BMPR1B: variants seen among roughly 807,000 people sequenced by gnomAD.
BMPR1B encodes the protein bone morphogenetic protein receptor type-1B.
In BMPR1B, 12 loss-of-function variants were observed where a neutral mutation model predicts 59.1. That is an observed-to-expected ratio of 0.20 (90% confidence interval 0.13 to 0.33). The LOEUF (loss-of-function observed/expected upper bound fraction) is 0.33, where lower values mean the gene tolerates loss of function less well. Ranked by LOEUF, BMPR1B falls within the 10% of genes least tolerant of loss-of-function variation. The pLI, the probability that BMPR1B is intolerant of heterozygous loss-of-function variation, is 1.00. For synonymous variants in BMPR1B, 237 were observed against 207.3 expected (o/e 1.14, Z -1.23); for missense variants, 550 against 610.9 (o/e 0.90, Z 1.05).
intron 10 of BMPR1B, among the ~76,000 whole-genome samples, chr4:95,138,892 G>A (rs1039425591): frequency 1.3e-5 from 2 of 152,142 alleles, no homozygotes; most frequent in African/African-American, 4.8e-5. Flanking sequence ...AATGCCGATT[G>A]TCTGAAGCCT....
intron 3 of BMPR1B, among the ~76,000 whole-genome samples, chr4:95,092,570 T>A (rs1730071441): frequency 6.6e-6 from 1 of 152,108 alleles, no homozygotes; most frequent in South Asian, 2.1e-4. Context: ...ATATACTATA[T>A]TTTATACCTC....
At chr4:95,083,037 C>CAAAAAAAAAAAAAAA (rs1171888403) in intron 3 of BMPR1B, among the ~76,000 whole-genome samples, 1 of 60,626 alleles carries the variant, frequency 1.6e-5, no homozygotes, top group Non-Finnish European at 2.8e-5. Flanking sequence ...TACTCTGTCT[C>CAAAAAAAAAAAAAAA]AAAAAAAAAA....
chr4:95,070,564 TA>T (rs1312499152), intron 3 of BMPR1B, among the ~76,000 whole-genome samples: 1 of 152,106 alleles, frequency 6.6e-6, no homozygotes, highest in South Asian at 2.1e-4. Flanking sequence ...AGATGCTTGG[TA>T]GTCAGTTGAG....
Position 94,865,871 on chromosome 4 carries a change from A to G in BMPR1B, c.-182-9960A>G, listed in dbSNP as rs571388176. Among the ~76,000 whole-genome samples the G allele has an allele frequency of 2.6e-5, 4 of 152,306 alleles. No homozygotes were observed. In the South Asian group the frequency reaches 8.3e-4, roughly 32 times the overall value. On this transcript the variant is annotated intron_variant, in intron 1 of 12. Coordinates refer to ENST00000515059, the MANE Select transcript of BMPR1B (RefSeq NM_001203.3). ...TTTCGAGATGATGGTGGCATAGGATAGTGGTCTTATCAAATGTGTTAAGTG... is the reference window on the plus strand; with the variant it reads ...TTTCGAGATGATGGTGGCATAGGATGGTGGTCTTATCAAATGTGTTAAGTG...
chr4:95,032,112 A>T (rs191895832), intron 3 of BMPR1B, among the ~76,000 whole-genome samples: 1 of 152,098 alleles, frequency 6.6e-6, no homozygotes, highest in African/African-American at 2.4e-5. Context: ...AGCTTAGACA[A>T]CAGACGTTTA....
At chr4:94,802,606 G>A (rs972412536) in intron 1 of BMPR1B, among the ~76,000 whole-genome samples, 3 of 152,162 alleles carry the variant, frequency 2.0e-5, no homozygotes, top group African/African-American at 7.2e-5. Context: ...ACCATATGGA[G>A]TATCTTAGTG....
intron 2 of BMPR1B, among the ~76,000 whole-genome samples, chr4:94,977,978 T>G (rs1346688994): frequency 6.6e-6 from 1 of 152,206 alleles, no homozygotes; most frequent in Non-Finnish European, 1.5e-5. Context: ...GTATGGCTAT[T>G]TTTTTTCTAG....
At chr4:94,848,430 T>G (rs936437851) in intron 1 of BMPR1B, among the ~76,000 whole-genome samples, 2 of 152,126 alleles carry the variant, frequency 1.3e-5, no homozygotes, top group African/African-American at 4.8e-5. Flanking sequence ...ACAATCCTGG[T>G]GAACAGCAAG....
At chr4:94,780,983 C>T (rs1052784196) in intron 1 of BMPR1B, among the ~76,000 whole-genome samples, 4 of 152,008 alleles carry the variant, frequency 2.6e-5, no homozygotes, top group Non-Finnish European at 4.4e-5. Context: ...TCACCGCAGC[C>T]GGCCTATTAT....
chr4:94,998,351 A>C (rs570057533), intron 3 of BMPR1B, among the ~76,000 whole-genome samples: 1 of 148,184 alleles, frequency 6.7e-6, no homozygotes. Flanking sequence ...TTGTTCTACT[A>C]GTAGTCCAGC....
intron 1 of BMPR1B, among the ~76,000 whole-genome samples, chr4:94,789,151 G>A (rs971621632): frequency 3.3e-5 from 5 of 152,168 alleles, no homozygotes; most frequent in South Asian, 4.1e-4. Context: ...TCCAATTTTC[G>A]TTGCACATCA....
intron 2 of BMPR1B, among the ~76,000 whole-genome samples, chr4:94,950,180 A>T (rs1246639015): frequency 6.6e-6 from 1 of 151,870 alleles, no homozygotes; most frequent in Non-Finnish European, 1.5e-5. Flanking sequence ...TAGATTCTGG[A>T]TATTAGCCGT....
intron 3 of BMPR1B, among the ~76,000 whole-genome samples, chr4:95,049,277 C>A (rs1726259289): frequency 1.3e-5 from 2 of 151,756 alleles, no homozygotes; most frequent in Admixed American, 1.3e-4. Context: ...CCATACCCAG[C>A]TAATTAAAAA....
chr4:94,781,945 T>G (rs1162835119), intron 1 of BMPR1B, among the ~76,000 whole-genome samples: 1 of 152,138 alleles, frequency 6.6e-6, no homozygotes, highest in Non-Finnish European at 1.5e-5. Flanking sequence ...TCTTGTAGTA[T>G]TTTTGCTATT....
At chr4:94,813,903 A>T (rs1053008211) in intron 1 of BMPR1B, among the ~76,000 whole-genome samples, 2 of 152,216 alleles carry the variant, frequency 1.3e-5, no homozygotes, top group Non-Finnish European at 2.9e-5. Context: ...AGAAGGAAAC[A>T]ATATCAAAGC....
chr4:95,113,233 A>T (rs1731759899), intron 4 of BMPR1B, among the ~76,000 whole-genome samples: 1 of 152,146 alleles, frequency 6.6e-6, no homozygotes, highest in South Asian at 2.1e-4. Context: ...CTGTTCAGAG[A>T]CAGTCTTTCT....
At chr4:94,999,907 G>A (rs1722323724) in intron 3 of BMPR1B, among the ~76,000 whole-genome samples, 1 of 152,144 alleles carries the variant, frequency 6.6e-6, no homozygotes, top group African/African-American at 2.4e-5. Flanking sequence ...CCTCAAAATA[G>A]AAATGTTGAA....
At chr4:95,002,651 T>C (rs184283534) in intron 3 of BMPR1B, among the ~76,000 whole-genome samples, 2 of 152,340 alleles carry the variant, frequency 1.3e-5, no homozygotes, top group Admixed American at 1.3e-4. Context: ...CTGTGATTTC[T>C]GTACCTTCCT....
chr4:94,820,225 C>G (rs1449927896), intron 1 of BMPR1B, among the ~76,000 whole-genome samples: 6 of 152,080 alleles, frequency 3.9e-5, no homozygotes, highest in African/African-American at 1.4e-4. Context: ...ATGTATGGAG[C>G]AGAAATTTTA....
Sources: gnomAD v4.1 joint callset for allele counts (sites outside exome capture counted in the v4.1 genomes callset) on GRCh38, gnomAD v4.1.1 for gene constraint, MANE v1.5 for transcripts, NCBI Gene and HGNC (gene_info 2026-07-23, HGNC 2026-07-21) for gene names.